Variants in TMEM132D observed in about 807,000 individuals in gnomAD.
The protein encoded by TMEM132D is mature OL transmembrane protein.
In TMEM132D, 21 loss-of-function variants were observed where a neutral mutation model predicts 62.3. The ratio of observed to expected loss-of-function variants is 0.34; its 90% CI spans 0.24 to 0.49. TMEM132D has a LOEUF of 0.49. Ranked by LOEUF, TMEM132D falls within the 20% of genes least tolerant of loss-of-function variation. The pLI is 0.99. For synonymous variants in TMEM132D, 621 were observed against 575.6 expected, an observed-to-expected ratio of 1.08 and a Z score of -1.13; for missense variants, 1,346 against 1,402.8, an observed-to-expected ratio of 0.96 and a Z score of 0.65.
chr12:129,200,118 C>T (rs1318289666), intron 5 of TMEM132D, among the ~76,000 whole-genome samples: 1 of 152,152 alleles, frequency 6.6e-6, no homozygotes, highest in Non-Finnish European at 1.5e-5. Flanking sequence ...CATGAATCCA[C>T]TTGGATCTCC....
intron 1 of TMEM132D, among the ~76,000 whole-genome samples, chr12:129,876,562 G>T (rs916753470): frequency 1.3e-5 from 2 of 152,172 alleles, no homozygotes; most frequent in Non-Finnish European, 2.9e-5. Flanking sequence ...AAAAACAAGA[G>T]AATTTATTGG....
intron 4 of TMEM132D, among the ~76,000 whole-genome samples, chr12:129,250,112 C>A (rs776061500): frequency 9.9e-5 from 15 of 152,094 alleles, no homozygotes; most frequent in Non-Finnish European, 1.6e-4. Flanking sequence ...AAGGAGACAG[C>A]AATGGAGACG....
intron 1 of TMEM132D, among the ~76,000 whole-genome samples, chr12:129,766,953 C>G (rs1381384702): frequency 6.6e-6 from 1 of 152,156 alleles, no homozygotes; most frequent in Admixed American, 6.5e-5. Context: ...GATTAGCTTG[C>G]CCTCTAACTA....
At chr12:129,832,968 G>GCTGGTCACTCTCA (rs1230137815) in intron 1 of TMEM132D, among the ~76,000 whole-genome samples, 1 of 152,106 alleles carries the variant, frequency 6.6e-6, no homozygotes, top group East Asian at 1.9e-4. Context: ...CCCTACCTTA[G>GCTGGTCACTCTCA]CTGGTCACTC....
chr12:129,712,775 G>A (rs1183003038), intron 1 of TMEM132D, among the ~76,000 whole-genome samples: 1 of 152,226 alleles, frequency 6.6e-6, no homozygotes, highest in African/African-American at 2.4e-5. Flanking sequence ...GGGTGGGATA[G>A]CTGTGGGCTG....
chr12:129,079,031 C>T (rs1385573123), intron 7 of TMEM132D, among the ~76,000 whole-genome samples: 4 of 152,186 alleles, frequency 2.6e-5, no homozygotes, highest in Admixed American at 1.3e-4. Flanking sequence ...GAGGAACTGA[C>T]GTTTTCATTC....
chr12:129,615,763 C>T (rs1487126488), intron 2 of TMEM132D, among the ~76,000 whole-genome samples: 1 of 134,528 alleles, frequency 7.4e-6, no homozygotes, highest in South Asian at 2.3e-4. Flanking sequence ...GACTCTGTCT[C>T]AATAAAATAA....
intron 8 of TMEM132D, 50 bp downstream of exon 8, chr12:129,078,484 C>T (rs1426795439): frequency 1.3e-6 from 2 of 1,572,156 alleles, no homozygotes; most frequent in East Asian, 4.5e-5. Flanking sequence ...GGTGTGTGAT[C>T]CACTTGGTGA....
At chr12:129,461,019 A>G (rs1426830157) in intron 3 of TMEM132D, among the ~76,000 whole-genome samples, 2 of 152,132 alleles carry the variant, frequency 1.3e-5, no homozygotes, top group Non-Finnish European at 2.9e-5. Flanking sequence ...GACTTTAGTG[A>G]CCCTTGACAT....
At chr12:129,523,733 G>A (rs747201500) in intron 3 of TMEM132D, among the ~76,000 whole-genome samples, 5 of 152,204 alleles carry the variant, frequency 3.3e-5, no homozygotes, top group Admixed American at 2.6e-4. Context: ...CATTGCTACT[G>A]TATAATGAGA....
chr12:129,191,209 A>G (rs1782522776), intron 5 of TMEM132D, among the ~76,000 whole-genome samples: 1 of 152,034 alleles, frequency 6.6e-6, no homozygotes, highest in Non-Finnish European at 1.5e-5. Flanking sequence ...TCAGTGAGGT[A>G]CATATGTTTA....
chr12:129,832,686 C>G (rs947315602), intron 1 of TMEM132D, among the ~76,000 whole-genome samples: 1 of 152,142 alleles, frequency 6.6e-6, no homozygotes, highest in Non-Finnish European at 1.5e-5. Flanking sequence ...TGCGCAGGCT[C>G]AGAGATAGTC....
intron 4 of TMEM132D, among the ~76,000 whole-genome samples, chr12:129,284,868 T>C (rs1881247554): frequency 6.6e-6 from 1 of 152,064 alleles, no homozygotes; most frequent in African/African-American, 2.4e-5. Flanking sequence ...CTGGAATAAA[T>C]AAATCCATAG....
intron 5 of TMEM132D, among the ~76,000 whole-genome samples, chr12:129,136,140 C>T (rs1358034467): frequency 1.3e-5 from 2 of 152,148 alleles, no homozygotes; most frequent in East Asian, 3.8e-4. Flanking sequence ...CTTGGCACCA[C>T]TTTTTATAAT....
At chr12:129,080,265 C>T (rs550890953) in intron 7 of TMEM132D, among the ~76,000 whole-genome samples, 7 of 152,304 alleles carry the variant, frequency 4.6e-5, no homozygotes, top group African/African-American at 9.6e-5. Context: ...AGTAGACTTG[C>T]GTTTCTTCTT....
chr12:129,764,631 T>A (rs563084895), intron 1 of TMEM132D, among the ~76,000 whole-genome samples: 59 of 152,322 alleles, frequency 3.9e-4, no homozygotes, highest in African/African-American at 1.3e-3. Context: ...TAGAAAACTC[T>A]GTTCATTGCC....
intron 4 of TMEM132D, among the ~76,000 whole-genome samples, chr12:129,243,840 G>C (rs1258793134): frequency 6.6e-6 from 1 of 152,150 alleles, no homozygotes; most frequent in Non-Finnish European, 1.5e-5. Flanking sequence ...ACAACTGATT[G>C]AATACACCTT....
intron 5 of TMEM132D, among the ~76,000 whole-genome samples, chr12:129,195,999 C>T (rs939312513): frequency 7.9e-5 from 12 of 152,060 alleles, no homozygotes; most frequent in East Asian, 3.9e-4. Flanking sequence ...TGGTGGCACA[C>T]GCCTGTAATC....
intron 5 of TMEM132D, among the ~76,000 whole-genome samples, chr12:129,133,790 G>C (rs1289289578): frequency 6.6e-6 from 1 of 152,210 alleles, no homozygotes; most frequent in African/African-American, 2.4e-5. Flanking sequence ...TCATTTCCTT[G>C]TACGCGCCAA....
Sources: allele counts gnomAD v4.1 joint callset (sites outside exome capture counted in the v4.1 genomes callset), GRCh38; gene constraint gnomAD v4.1.1; transcripts MANE v1.5; gene names NCBI Gene and HGNC (gene_info 2026-07-23, HGNC 2026-07-21).